Variants in SEC14L1 observed in about 807,000 individuals in gnomAD.
The protein encoded by SEC14L1 is SEC14-like protein 1.
A neutral mutation model predicts 85.3 loss-of-function variants in SEC14L1; 48 were observed. That is an observed-to-expected ratio of 0.56 (90% CI 0.45 to 0.72). The LOEUF (loss-of-function observed/expected upper bound fraction) is 0.72. Ranked by LOEUF, SEC14L1 falls within the 30% of genes least tolerant of loss-of-function variation. SEC14L1 has a pLI of 0.00. For missense variants in SEC14L1, 682 were observed against 921.4 expected, an observed-to-expected ratio of 0.74 and a Z score of 3.36; for synonymous variants, 391 against 355.5, an observed-to-expected ratio of 1.10 and a Z score of -1.12.
intron 3 of SEC14L1, among the ~76,000 whole-genome samples, chr17:77,102,863 G>A (rs866524757): frequency 6.6e-6 from 1 of 152,152 alleles, no homozygotes; most frequent in Non-Finnish European, 1.5e-5. Flanking sequence ...GTACAGTGGT[G>A]TGATCATGGC....
At chr17:77,136,905 T>C (rs1211639064), upstream of SEC14L1, among the ~76,000 whole-genome samples, 2 of 151,128 alleles carry the variant, frequency 1.3e-5, no homozygotes, top group African/African-American at 4.8e-5. Flanking sequence ...TAATTTCTTT[T>C]TCTTTCTTTT....
At position 77,206,110 on chromosome 17, in the gene SEC14L1, A is replaced by G. The variant is rs1976451547; in HGVS notation, c.1170-119A>G. 3.0e-6 allele frequency: 3 copies of G among 998,146 alleles called. No homozygotes were observed. In the South Asian group the frequency reaches 5.0e-5, roughly 17 times the overall value. 61.8% of individuals were successfully genotyped at this position (998,146 alleles called of 1,614,324 possible). ...GCACTATACATAGCACTATAATTTA[A>G]AAAAATTGATTATGATGTATTTGGA... is the stretch of plus-strand genomic sequence containing the variant. On this transcript the variant is annotated intron_variant, in intron 11 of 16. Transcript: ENST00000436233. This position sits in a 1 kb window ranked among gnomAD's most constrained non-coding sequence, Gnocchi z 4.3.
At chr17:77,174,678 G>A (rs1211558214) in intron 3 of SEC14L1, among the ~76,000 whole-genome samples, 4 of 152,134 alleles carry the variant, frequency 2.6e-5, no homozygotes, top group South Asian at 2.1e-4. Context: ...GTCTCCTCAC[G>A]AGTGAGGACT....
intron 6 of SEC14L1, among the ~76,000 whole-genome samples, chr17:77,193,924 A>C (rs937185697): frequency 6.6e-6 from 1 of 152,198 alleles, no homozygotes; most frequent in South Asian, 2.1e-4. Context: ...CAGTTCTTCC[A>C]CAGAAGACCT....
intron 3 of SEC14L1, among the ~76,000 whole-genome samples, chr17:77,190,063 A>G (rs562787003): frequency 3.8e-4 from 58 of 152,032 alleles, no homozygotes; most frequent in African/African-American, 1.3e-3. Context: ...AAGATTTTCT[A>G]TTTTTTTTCC....
intron 3 of SEC14L1, among the ~76,000 whole-genome samples, chr17:77,125,572 A>G (rs1342105854): frequency 6.6e-6 from 1 of 152,230 alleles, no homozygotes; most frequent in Non-Finnish European, 1.5e-5. Flanking sequence ...CTATTTAAAG[A>G]ATGCATGAGT....
chr17:77,155,193 C>G (rs1170160465), intron 3 of SEC14L1, among the ~76,000 whole-genome samples: 1 of 152,118 alleles, frequency 6.6e-6, no homozygotes, highest in Non-Finnish European at 1.5e-5. Context: ...CAGGAGCTTC[C>G]AAACTCCAAG....
At chr17:77,090,050 C>T (rs1172201253) in intron 2 of SEC14L1, 3 of 150,970 alleles carry the variant, frequency 2.0e-5, no homozygotes, top group South Asian at 2.0e-4. Context: ...TAATTCAGGC[C>T]GGGCACCGTG....
At chr17:77,155,296 A>G (rs1381536242) in intron 3 of SEC14L1, among the ~76,000 whole-genome samples, 1 of 152,150 alleles carries the variant, frequency 6.6e-6, no homozygotes, top group African/African-American at 2.4e-5. Context: ...CGCAAAAAAC[A>G]CACACCCCAA....
At chr17:77,146,575 A>G (rs543722701) in intron 3 of SEC14L1, among the ~76,000 whole-genome samples, 209 of 151,564 alleles carry the variant, frequency 1.4e-3, no homozygotes, top group Admixed American at 2.6e-3. Context: ...GTAGTGGTTA[A>G]TTTCCCTTCT....
chr17:77,128,420 A>AT (rs1567881013), intron 3 of SEC14L1, among the ~76,000 whole-genome samples: 1 of 52,302 alleles, frequency 1.9e-5, no homozygotes, highest in Non-Finnish European at 4.5e-5. Context: ...ATTTTATTTT[A>AT]TTTTATTTTA....
At chr17:77,137,290 C>T (rs1001607652), upstream of SEC14L1, among the ~76,000 whole-genome samples, 2 of 152,162 alleles carry the variant, frequency 1.3e-5, no homozygotes, top group Admixed American at 6.5e-5. Context: ...GGAAGCATGG[C>T]GCTGGCATCT....
chr17:77,174,245 A>AC (rs915544126), intron 3 of SEC14L1, among the ~76,000 whole-genome samples: 4 of 151,602 alleles, frequency 2.6e-5, no homozygotes, highest in Admixed American at 2.0e-4. Context: ...TAGAGGCCCA[A>AC]CCCCCCTTAC....
At chr17:77,204,199 T>TA (rs61452702) in intron 10 of SEC14L1, among the ~76,000 whole-genome samples, 24,527 of 152,140 alleles carry the variant, frequency 0.16, 2,401 homozygotes, top group Middle Eastern at 0.22. Context: ...TATCCTGAAA[T>TA]ACGCATTTTT....
At chr17:77,110,014 A>G (rs552334040) in intron 3 of SEC14L1, among the ~76,000 whole-genome samples, 1 of 152,332 alleles carries the variant, frequency 6.6e-6, no homozygotes, top group South Asian at 2.1e-4. Flanking sequence ...CTGTGCAAGC[A>G]ACACAATAGT....
chr17:77,208,455 A>ATGCCGAC (rs1976577719), intron 13 of SEC14L1, among the ~76,000 whole-genome samples: 3 of 152,194 alleles, frequency 2.0e-5, no homozygotes, highest in Admixed American at 2.0e-4. Flanking sequence ...TGTTTGTCAC[A>ATGCCGAC]TGCCGACCTC....
chr17:77,197,792 A>G (rs1020729606), intron 8 of SEC14L1, among the ~76,000 whole-genome samples: 1 of 152,034 alleles, frequency 6.6e-6, no homozygotes, highest in Non-Finnish European at 1.5e-5. Flanking sequence ...TTTAGTAGAG[A>G]ACAGGGTTCC....
chr17:77,144,922 T>G (rs995240912), intron 3 of SEC14L1: 1 of 150,674 alleles, frequency 6.6e-6, no homozygotes, highest in South Asian at 2.1e-4. Flanking sequence ...TATTTTTATT[T>G]TTATTTTTTG....
chr17:77,098,319 C>A (rs927567998), intron 3 of SEC14L1, among the ~76,000 whole-genome samples: 45 of 151,912 alleles, frequency 3.0e-4, no homozygotes, highest in African/African-American at 1.0e-3. Flanking sequence ...GCCAACATGG[C>A]AAAACCCCAT....
Sources: allele counts gnomAD v4.1 joint callset (sites outside exome capture counted in the v4.1 genomes callset), GRCh38; gene constraint gnomAD v4.1.1; non-coding constraint Gnocchi (gnomAD v3.1); transcripts MANE v1.5; gene names NCBI Gene and HGNC (gene_info 2026-07-23, HGNC 2026-07-21).